SIRT1: variants seen among roughly 807,000 people sequenced by gnomAD.
SIRT1 encodes the protein sirtuin 1, also known as NAD-dependent protein deacetylase sirtuin-1.
A neutral mutation model predicts 67.9 loss-of-function variants in SIRT1; 24 were observed. The observed-to-expected ratio is 0.35, with a 90% CI of 0.26 to 0.50. SIRT1 has a LOEUF of 0.50. SIRT1 is among the 20% of genes least tolerant of loss of function. The pLI is 0.98. For missense variants in SIRT1, 873 were observed against 937.2 expected (o/e 0.93, Z 0.89); for synonymous variants, 378 against 350.7 (o/e 1.08, Z -0.87).
chr10:67,898,623 T>C (rs1302059357), intron 4 of SIRT1, among the ~76,000 whole-genome samples: 5 of 152,242 alleles, frequency 3.3e-5, no homozygotes, highest in African/African-American at 1.2e-4. Context: ...ATATGGATTA[T>C]ATATCTATAC....
intron 5 of SIRT1, among the ~76,000 whole-genome samples, chr10:67,907,633 T>C (rs2131881544): frequency 6.6e-6 from 1 of 152,304 alleles, no homozygotes; most frequent in Admixed American, 6.5e-5. Flanking sequence ...CAGAAATGTT[T>C]AAAACAAGTA....
At chr10:67,910,629 T>C (rs1397090996) in intron 7 of SIRT1, among the ~76,000 whole-genome samples, 1 of 152,216 alleles carries the variant, frequency 6.6e-6, no homozygotes, top group Non-Finnish European at 1.5e-5. Flanking sequence ...TAACATACCA[T>C]GTAAGATGGA....
At position 67,906,177 on chromosome 10, in the gene SIRT1, A is replaced by G. The variant is rs1467543582; in HGVS notation, c.943-613A>G. On this transcript the variant is annotated intron_variant, in intron 4 of 8. Coordinates refer to ENST00000212015, the MANE Select transcript of SIRT1 (RefSeq NM_012238.5). Reference sequence around the variant, plus strand: ...TGTTTTTAAAGAAGAAACAGCATTGAAGCATTATTTGGGGGGAAAAACACA... The same window carrying G: ...TGTTTTTAAAGAAGAAACAGCATTGGAGCATTATTTGGGGGGAAAAACACA... 9.9e-6 allele frequency: 14 copies of G among 1,410,074 alleles called. No homozygotes were observed. In the Middle Eastern group the frequency reaches 1.8e-3, roughly 184 times the overall value. 87.3% of individuals were successfully genotyped at this position (1,410,074 alleles called of 1,614,324 possible).
At chr10:67,887,389 G>A (rs199534587) in intron 1 of SIRT1, 28 bp from the exon 2 acceptor site, 2 of 1,468,438 alleles carry the variant, frequency 1.4e-6, no homozygotes, top group Non-Finnish European at 1.9e-6. Flanking sequence ...TGTTTTGATA[G>A]CCTTGACTGA....
At chr10:67,916,181 C>A in intron 8 of SIRT1, 84 bp from the exon 9 acceptor site, 1 of 1,207,638 alleles carries the variant, frequency 8.3e-7, no homozygotes, top group Non-Finnish European at 1.2e-6. Context: ...AAAGGCAGAG[C>A]TGGAACCCAC....
chr10:67,907,938 C>A (rs1842845727), intron 5 of SIRT1, 108 bp from the exon 6 acceptor site: 7 of 909,740 alleles, frequency 7.7e-6, no homozygotes, highest in Non-Finnish European at 1.2e-5. Flanking sequence ...AAACAAAAAT[C>A]CTTAAACCCT....
At chr10:67,914,776 C>T (rs1056184770) in intron 8 of SIRT1, among the ~76,000 whole-genome samples, 5 of 150,552 alleles carry the variant, frequency 3.3e-5, no homozygotes, top group African/African-American at 4.9e-5. Flanking sequence ...GGTGTGATCT[C>T]GGTTCACGGC....
In SIRT1 at chr10:67,918,204, G is replaced by A. The variant is rs2029985060; in HGVS notation, c.*1611G>A. The A allele has an allele frequency of 6.6e-6, 1 of 152,612 alleles. No homozygotes were observed. The highest frequency in any genetic ancestry group is 2.1e-4 in the South Asian group (1 of 4,834). 9.5% of individuals were successfully genotyped at this position (152,612 alleles called of 1,614,324 possible). On this transcript the variant is annotated 3_prime_UTR_variant, in exon 9 of 9. Coordinates refer to ENST00000212015, the MANE Select transcript of SIRT1 (RefSeq NM_012238.5). The stretch of plus-strand genomic sequence containing the variant: ...GTTTGTTTTAAATTATTTTTACAGT[G>A]AAGACTGTTTTCAGCTCTTTTTATA...
chr10:67,887,612 T>C, intron 2 of SIRT1, 79 bp downstream of exon 2: 1 of 960,088 alleles, frequency 1.0e-6, no homozygotes, highest in Non-Finnish European at 1.6e-6. Flanking sequence ...GTTTCGCTCT[T>C]GTTGCGGAGG....
chr10:67,895,445 A>T (rs552627992), intron 4 of SIRT1, among the ~76,000 whole-genome samples: 1 of 152,298 alleles, frequency 6.6e-6, no homozygotes, highest in South Asian at 2.1e-4. Flanking sequence ...TGGGGAGGGT[A>T]TGTAAATATT....
chr10:67,888,961 A>T lies in SIRT1; in HGVS notation c.627A>T (p.Thr209=), dbSNP rs150759066. The T allele has an allele frequency of 1.2e-6, 2 of 1,613,868 alleles. No individual in the cohort carries two copies. Among genetic ancestry groups the T allele is most frequent in the South Asian group, 1.1e-5 (1 of 91,064 alleles). ...RTILKDLLPE[T]IPPPELDDMT... is the part of the protein sequence containing the mutation. The stretch of plus-strand genomic sequence containing the variant: ...TTCTTAAAGATTTATTGCCGGAAAC[A>T]ATACCTCCACCTGAGTTGGATGATA... Residue 209 remains threonine (T), a synonymous_variant, in exon 3 of 9, where the codon ACA becomes ACT. Transcript: ENST00000212015.
At chr10:67,889,523 T>C (rs1842535986) in intron 3 of SIRT1, among the ~76,000 whole-genome samples, 1 of 152,212 alleles carries the variant, frequency 6.6e-6, no homozygotes, top group Admixed American at 6.5e-5. Flanking sequence ...AAAAGCTTAG[T>C]GTTGGGAAGA....
At chr10:67,907,025 G>A in intron 5 of SIRT1, 88 bp downstream of exon 5, 5 of 1,130,306 alleles carry the variant, frequency 4.4e-6, no homozygotes, top group African/African-American at 3.3e-5. Context: ...TCGAGAAGTG[G>A]AGATAAAGCA....
At chr10:67,910,880 A>G (rs1048026724) in intron 7 of SIRT1, among the ~76,000 whole-genome samples, 5 of 152,220 alleles carry the variant, frequency 3.3e-5, no homozygotes, top group Non-Finnish European at 5.9e-5. Flanking sequence ...GTGTCCTTTC[A>G]TAAGTGAGGG....
chr10:67,916,406 A>T lies in SIRT1; in HGVS notation c.2057A>T (p.Glu686Val). 1.2e-6 allele frequency: 2 copies of T among 1,614,184 alleles called. No homozygotes were observed. The highest frequency in any genetic ancestry group is 1.7e-6 in the Non-Finnish European group (2 of 1,180,024). ...DSGTCQSPSL[E>V]EPMEDESEIE... is the part of the protein sequence containing the mutation. Reference sequence around the variant, plus strand: ...GGGACATGCCAGAGTCCAAGTTTAGAAGAACCCATGGAGGATGAAAGTGAA... The same window carrying T: ...GGGACATGCCAGAGTCCAAGTTTAGTAGAACCCATGGAGGATGAAAGTGAA... The change falls in exon 9 of 9, where the codon GAA becomes GTA. Residue 686 changes from glutamate to valine, a missense_variant. By Grantham distance (121) the Glu-to-Val change is moderately radical. Coordinates refer to ENST00000212015, the MANE Select transcript of SIRT1 (RefSeq NM_012238.5).
rs1163675464 is a variant in SIRT1 at position 67,888,919 on chromosome 10, C to T, written c.585C>T (p.Gly195=). The T allele has an allele frequency of 6.2e-7, 1 of 1,613,726 alleles. No individual in the cohort carries two copies. The highest frequency in any genetic ancestry group is 2.2e-5 in the East Asian group (1 of 44,846). ...TTGTTCAGCAACATCTTATGATTGG[C>T]ACAGATCCTCGAACAATTCTTAAAG... ...YTFVQQHLMI[G]TDPRTILKDL... Residue 195 remains glycine (G), a synonymous_variant, in exon 3 of 9, where the codon GGC becomes GGT. Coordinates refer to ENST00000212015, the MANE Select transcript of SIRT1 (RefSeq NM_012238.5).
At chr10:67,889,245 C>T (rs1422373312) in intron 3 of SIRT1, 122 bp downstream of exon 3, 1 of 1,124,200 alleles carries the variant, frequency 8.9e-7, no homozygotes, top group South Asian at 1.8e-5. Context: ...TTGGGAACTG[C>T]CAAAAACTGA....
chr10:67,887,606 C>G (rs538091316), intron 2 of SIRT1, 73 bp downstream of exon 2: 3 of 1,040,818 alleles, frequency 2.9e-6, no homozygotes, highest in Non-Finnish European at 2.9e-6. Flanking sequence ...GACAGAGTTT[C>G]GCTCTTGTTG....
chr10:67,899,571 A>G (rs947182170), intron 4 of SIRT1, among the ~76,000 whole-genome samples: 3 of 152,094 alleles, frequency 2.0e-5, no homozygotes, highest in African/African-American at 7.2e-5. Flanking sequence ...ATGATTGCCA[A>G]CAGAATCAAA....
Sources: gnomAD v4.1 joint callset for allele counts (sites outside exome capture counted in the v4.1 genomes callset) on GRCh38, gnomAD v4.1.1 for gene constraint, MANE v1.5 for transcripts, NCBI Gene and HGNC (gene_info 2026-07-23, HGNC 2026-07-21) for gene names.